Variants in TAFA4 observed in about 807,000 individuals in gnomAD.
TAFA4 encodes the protein chemokine-like protein TAFA-4.
A neutral mutation model predicts 21.1 loss-of-function variants in TAFA4; 20 were observed. That is an observed-to-expected ratio of 0.95 (90% confidence interval 0.67 to 1.38). The LOEUF (loss-of-function observed/expected upper bound fraction) is 1.38. TAFA4 is among the 40% of genes most tolerant of loss of function. TAFA4 has a pLI of 0.00. For missense variants in TAFA4, 211 were observed against 180.9 expected, an observed-to-expected ratio of 1.17 and a Z score of -0.95; for synonymous variants, 71 against 67.4, an observed-to-expected ratio of 1.05 and a Z score of -0.26.
At chr3:68,739,237 T>G in intron 4 of TAFA4, 38 bp from the exon 5 acceptor site, 1 of 1,611,164 alleles carries the variant, frequency 6.2e-7, no homozygotes, top group South Asian at 1.1e-5. Flanking sequence ...GTGACACTGT[T>G]TCTTCCTCCA....
chr3:68,906,340 T>G (rs192027106), intron 1 of TAFA4, among the ~76,000 whole-genome samples: 1 of 152,340 alleles, frequency 6.6e-6, no homozygotes, highest in African/African-American at 2.4e-5. Context: ...TTACTTTCAA[T>G]TATTCGGGGT....
chr3:68,835,835 C>T (rs1230002291), intron 3 of TAFA4, among the ~76,000 whole-genome samples: 2 of 152,204 alleles, frequency 1.3e-5, no homozygotes, highest in African/African-American at 2.4e-5. Flanking sequence ...CAACTTCAGC[C>T]TTTCTGCAGC....
At chr3:68,797,098 A>T (rs541697853) in intron 3 of TAFA4, among the ~76,000 whole-genome samples, 2 of 152,354 alleles carry the variant, frequency 1.3e-5, no homozygotes, top group Admixed American at 6.5e-5. Flanking sequence ...GCATTTCCTT[A>T]AAAAAGTAAA....
At chr3:68,850,940 G>T (rs1704930994) in intron 3 of TAFA4, among the ~76,000 whole-genome samples, 1 of 152,032 alleles carries the variant, frequency 6.6e-6, no homozygotes, top group African/African-American at 2.4e-5. Flanking sequence ...TGGTAATTTT[G>T]TCATGAAATC....
intron 1 of TAFA4, among the ~76,000 whole-genome samples, chr3:68,914,852 A>G (rs2089989091): frequency 6.6e-6 from 1 of 152,172 alleles, no homozygotes; most frequent in African/African-American, 2.4e-5. Flanking sequence ...GACCTTCCCA[A>G]ATGGTTGGGG....
Position 68,895,288 on chromosome 3 carries a change from G to A in TAFA4, c.-122-9978C>T, listed in dbSNP as rs554362029. On this transcript the variant is annotated intron_variant, in intron 1 of 5. Transcript: ENST00000295569. The stretch of plus-strand genomic sequence containing the variant: ...GCTGGGATTACAGGCGTCAGCCACC[G>A]CGCCCAGCCTTAATTTTTGTATTTT... Among the ~76,000 whole-genome samples, 7 of 152,220 alleles carry A rather than the reference G, an allele frequency of 4.6e-5. No individual in the cohort carries two copies. The East Asian group carries it at 9.7e-4, about 21-fold the overall frequency.
intron 3 of TAFA4, among the ~76,000 whole-genome samples, chr3:68,797,497 C>T (rs28890562): frequency 0.28 from 41,631 of 151,060 alleles, 7,113 homozygotes; most frequent in Non-Finnish European, 0.39. Flanking sequence ...CCTGTAGGAC[C>T]AGCTACTTGG....
chr3:68,848,944 A>AC lies in TAFA4; in HGVS notation c.130+31785_130+31786insG, dbSNP rs2106906362. Among the ~76,000 whole-genome samples, 3 of 152,298 alleles carry AC rather than the reference A, an allele frequency of 2.0e-5. No individual in the cohort carries two copies. The East Asian group carries it at 5.8e-4, about 29-fold the overall frequency. ...AGGAGAATGCTAACTTTAAAAAAAA[A>AC]AATGTACCTAGCGAGAAAAATAAAC... On this transcript the variant is annotated intron_variant, in intron 3 of 5. Transcript: ENST00000295569.
At chr3:68,747,425 T>G (rs1462556053) in intron 4 of TAFA4, among the ~76,000 whole-genome samples, 1 of 152,046 alleles carries the variant, frequency 6.6e-6, no homozygotes, top group Non-Finnish European at 1.5e-5. Context: ...TGAATAAATC[T>G]CAGAAGATCT....
At chr3:68,912,541 G>C (rs796835343) in intron 1 of TAFA4, among the ~76,000 whole-genome samples, 25 of 152,310 alleles carry the variant, frequency 1.6e-4, no homozygotes, top group African/African-American at 6.0e-4. Context: ...CCGTGTTTTC[G>C]CAGTGTTGGG....
At chr3:68,780,917 A>G (rs1000719867) in intron 3 of TAFA4, among the ~76,000 whole-genome samples, 39 of 152,030 alleles carry the variant, frequency 2.6e-4, no homozygotes, top group African/African-American at 9.2e-4. Flanking sequence ...AAAAAACCTT[A>G]AAAACCTAAA....
chr3:68,909,402 C>T (rs934278821), intron 1 of TAFA4, among the ~76,000 whole-genome samples: 2 of 152,154 alleles, frequency 1.3e-5, no homozygotes, highest in Non-Finnish European at 2.9e-5. Flanking sequence ...CCATACTCAC[C>T]ACCTAGCACC....
At chr3:68,786,258 A>T (rs1703259568) in intron 3 of TAFA4, among the ~76,000 whole-genome samples, 1 of 152,250 alleles carries the variant, frequency 6.6e-6, no homozygotes, top group Non-Finnish European at 1.5e-5. Context: ...CCTGGAACTT[A>T]AAATTAAATT....
chr3:68,843,817 A>G (rs1704724300), intron 3 of TAFA4, among the ~76,000 whole-genome samples: 3 of 152,250 alleles, frequency 2.0e-5, no homozygotes, highest in Non-Finnish European at 4.4e-5. Flanking sequence ...GATGGATTAC[A>G]GTTATTTATT....
At chr3:68,893,533 C>T (rs2089754273) in intron 1 of TAFA4, among the ~76,000 whole-genome samples, 2 of 152,216 alleles carry the variant, frequency 1.3e-5, no homozygotes. Context: ...TTCCCAAATT[C>T]CTCATCTGTA....
chr3:68,860,298 T>C (rs754822136), intron 3 of TAFA4, among the ~76,000 whole-genome samples: 1 of 152,162 alleles, frequency 6.6e-6, no homozygotes, highest in Admixed American at 6.6e-5. Flanking sequence ...TTATTAGTTA[T>C]GAATATCAAG....
At chr3:68,789,705 T>C (rs1460289849) in intron 3 of TAFA4, among the ~76,000 whole-genome samples, 1 of 152,140 alleles carries the variant, frequency 6.6e-6, no homozygotes, top group African/African-American at 2.4e-5. Context: ...AATTTTCTGA[T>C]TCGTTCACTG....
At chr3:68,817,130 T>C (rs1703996613) in intron 3 of TAFA4, among the ~76,000 whole-genome samples, 2 of 152,222 alleles carry the variant, frequency 1.3e-5, no homozygotes, top group East Asian at 1.9e-4. Context: ...AAGTCAATTC[T>C]CTCAAACCCT....
At chr3:68,798,506 G>C (rs1703502960) in intron 3 of TAFA4, among the ~76,000 whole-genome samples, 1 of 152,148 alleles carries the variant, frequency 6.6e-6, no homozygotes, top group South Asian at 2.1e-4. Flanking sequence ...TTTTATAAGA[G>C]GGATATGTTC....
Sources: gnomAD v4.1 joint callset for allele counts (sites outside exome capture counted in the v4.1 genomes callset) on GRCh38, gnomAD v4.1.1 for gene constraint, MANE v1.5 for transcripts, NCBI Gene and HGNC (gene_info 2026-07-23, HGNC 2026-07-21) for gene names.